PLA2G4A: variants seen among roughly 807,000 people sequenced by gnomAD.
PLA2G4A encodes cytosolic phospholipase A2.
In PLA2G4A, 40 loss-of-function variants were observed where a neutral mutation model predicts 81.9. The observed-to-expected ratio is 0.49, with a 90% CI of 0.38 to 0.64. PLA2G4A has a LOEUF of 0.64. Among genes scored for constraint, PLA2G4A ranks in the 30% least tolerant of loss-of-function variants. The pLI, the probability that PLA2G4A is intolerant of heterozygous loss-of-function variation, is 0.00. For missense variants in PLA2G4A, 715 were observed against 905.1 expected (o/e 0.79, Z 2.69); for synonymous variants, 302 against 296.9 (o/e 1.02, Z -0.18).
At chr1:186,972,160 T>C (rs1330645828) in intron 15 of PLA2G4A, among the ~76,000 whole-genome samples, 1 of 152,158 alleles carries the variant, frequency 6.6e-6, no homozygotes, top group Non-Finnish European at 1.5e-5. Context: ...AGTGTGACAC[T>C]AATTTATTTA....
chr1:186,918,675 G>A (rs983875920), intron 7 of PLA2G4A, among the ~76,000 whole-genome samples: 7 of 152,204 alleles, frequency 4.6e-5, no homozygotes, highest in Non-Finnish European at 8.8e-5. Context: ...AATAGACTGA[G>A]TCCAACACCT....
chr1:186,897,520 A>AT (rs1281851775), intron 5 of PLA2G4A, among the ~76,000 whole-genome samples: 1 of 151,640 alleles, frequency 6.6e-6, no homozygotes, highest in African/African-American at 2.4e-5. Flanking sequence ...TTATTTATTT[A>AT]TTTTTTGAGA....
At chr1:186,904,863 T>A (rs7413826) in intron 5 of PLA2G4A, among the ~76,000 whole-genome samples, 33 of 103,868 alleles carry the variant, frequency 3.2e-4, no homozygotes, top group African/African-American at 4.8e-4. Flanking sequence ...ATATATATTT[T>A]TTTTTTTGAG....
At chr1:186,893,991 A>C (rs1360265369) in intron 4 of PLA2G4A, 107 bp from the exon 5 acceptor site, 1 of 708,178 alleles carries the variant, frequency 1.4e-6, no homozygotes, top group Non-Finnish European at 2.6e-6. Flanking sequence ...AGGACTCTTA[A>C]ATATCATTTG....
At chr1:186,831,371 A>G (rs990088830) in intron 1 of PLA2G4A, among the ~76,000 whole-genome samples, 4 of 152,206 alleles carry the variant, frequency 2.6e-5, no homozygotes, top group African/African-American at 9.6e-5. Context: ...GCAACTTGGT[A>G]TAATGGAAAA....
intron 6 of PLA2G4A, among the ~76,000 whole-genome samples, chr1:186,911,008 C>G (rs899154198): frequency 6.6e-6 from 1 of 152,138 alleles, no homozygotes; most frequent in Non-Finnish European, 1.5e-5. Context: ...TGTTTGTTTG[C>G]TCGTTTATTT....
rs1653213295 is a variant in PLA2G4A at position 186,870,381 on chromosome 1, A to T, written c.34-54A>T. On this transcript the variant is annotated intron_variant, in intron 2 of 17. Coordinates refer to ENST00000367466, the MANE Select transcript of PLA2G4A (RefSeq NM_024420.3). Reference sequence around the variant, plus strand: ...TATTTTAAATTAATCTCAAGGAAAAAATGAGGTTCTATGTTGGAAGCTTAT... The same window carrying T: ...TATTTTAAATTAATCTCAAGGAAAATATGAGGTTCTATGTTGGAAGCTTAT... 19 of 1,019,098 alleles carry T rather than the reference A, an allele frequency of 1.9e-5. No homozygotes were observed. The South Asian group carries it at 2.2e-4, about 12-fold the overall frequency. 63.1% of individuals were successfully genotyped at this position (1,019,098 alleles called of 1,614,324 possible). A position where few individuals can be genotyped will look rare whatever the true frequency, so the allele number is the denominator to read the frequency against.
At chr1:186,860,203 T>C (rs1652745790) in intron 2 of PLA2G4A, among the ~76,000 whole-genome samples, 2 of 152,134 alleles carry the variant, frequency 1.3e-5, no homozygotes, top group African/African-American at 2.4e-5. Context: ...AAACAGGAGA[T>C]ATTAATTTAT....
chr1:186,907,532 T>C (rs1654784308), intron 6 of PLA2G4A, among the ~76,000 whole-genome samples: 1 of 152,214 alleles, frequency 6.6e-6, no homozygotes, highest in South Asian at 2.1e-4. Context: ...TGTACTTATT[T>C]TCAAACGGCG....
At chr1:186,928,004 T>A (rs1655611035) in intron 7 of PLA2G4A, among the ~76,000 whole-genome samples, 1 of 152,118 alleles carries the variant, frequency 6.6e-6, no homozygotes, top group Non-Finnish European at 1.5e-5. Flanking sequence ...CTCCCTTTAG[T>A]GGAGTATAGG....
intron 12 of PLA2G4A, among the ~76,000 whole-genome samples, chr1:186,949,877 A>T (rs1327426683): frequency 1.3e-5 from 2 of 150,738 alleles, no homozygotes; most frequent in Non-Finnish European, 3.0e-5. Context: ...AAAAAAAAAA[A>T]TTAAAAAAAT....
intron 7 of PLA2G4A, among the ~76,000 whole-genome samples, chr1:186,912,105 G>C (rs912260648): frequency 6.6e-6 from 1 of 152,068 alleles, no homozygotes; most frequent in Non-Finnish European, 1.5e-5. Context: ...GGCAAGGGTG[G>C]GTCTTTACTC....
intron 10 of PLA2G4A, among the ~76,000 whole-genome samples, chr1:186,941,064 G>A (rs376916729): frequency 1.4e-5 from 2 of 138,988 alleles, no homozygotes; most frequent in African/African-American, 2.8e-5. Context: ...AGTGAGCCGA[G>A]ATCATGCCAC....
intron 16 of PLA2G4A, among the ~76,000 whole-genome samples, chr1:186,979,079 T>G (rs1657630573): frequency 6.6e-6 from 1 of 152,332 alleles, no homozygotes; most frequent in South Asian, 2.1e-4. Context: ...TCAAGCAGGC[T>G]TCTACAGTTG....
chr1:186,967,039 G>T (rs1167686339), intron 15 of PLA2G4A, among the ~76,000 whole-genome samples: 2 of 152,018 alleles, frequency 1.3e-5, no homozygotes, highest in African/African-American at 2.4e-5. Context: ...AATAAGAAGT[G>T]GCAATTCATA....
chr1:186,932,592 C>T (rs551394125), intron 7 of PLA2G4A, among the ~76,000 whole-genome samples, 171 bp from the exon 8 acceptor site: 52 of 151,948 alleles, frequency 3.4e-4, no homozygotes, highest in Admixed American at 6.6e-4. Context: ...TGAGCCACTG[C>T]ACCCGGCCTT....
intron 15 of PLA2G4A, among the ~76,000 whole-genome samples, chr1:186,970,647 C>A (rs1457958817): frequency 1.3e-5 from 2 of 152,038 alleles, no homozygotes; most frequent in African/African-American, 4.8e-5. Flanking sequence ...TTCCCGGAAC[C>A]ATTTTTTGAA....
In PLA2G4A at chr1:186,914,411, C is replaced by T. The variant is rs1290940380; in HGVS notation, c.558+3022C>T. 1.2e-4 allele frequency among the ~76,000 whole-genome samples: 4 copies of T among 33,372 alleles called. No individual in the cohort carries two copies. The East Asian group carries it at 2.6e-3, about 21-fold the overall frequency. 21.9% of individuals were successfully genotyped at this position (33,372 alleles called of 152,430 possible). ...CCACAGACAAAAACCCCTCAGACAC[C>T]GAGTTAAAGAAGGAAGGGGTTTGTT... On this transcript the variant is annotated intron_variant, in intron 7 of 17. Coordinates refer to ENST00000367466, the MANE Select transcript of PLA2G4A (RefSeq NM_024420.3).
At position 186,909,347 on chromosome 1, in the gene PLA2G4A, T is replaced by C. The variant is rs886361995; in HGVS notation, c.417-1901T>C. 1.6e-4 allele frequency among the ~76,000 whole-genome samples: 18 copies of C among 114,104 alleles called. No homozygotes were observed. The East Asian group carries it at 3.9e-3, about 25-fold the overall frequency. The allele number at this position is 114,104 out of a possible 152,430, so 74.9% of individuals were successfully genotyped here. ...TAAAGAATAGTAATAGAAAAGAGTG[T>C]AGCCCAAGATTAGACTTAAAAGTGT... On this transcript the variant is annotated intron_variant, in intron 6 of 17. Transcript: ENST00000367466.
Sources: gnomAD v4.1 joint callset for allele counts (sites outside exome capture counted in the v4.1 genomes callset) on GRCh38, gnomAD v4.1.1 for gene constraint, MANE v1.5 for transcripts, NCBI Gene and HGNC (gene_info 2026-07-23, HGNC 2026-07-21) for gene names.